Variants in AFG1L observed in about 807,000 individuals in gnomAD.
AFG1L encodes the protein AFG1 like ATPase.
A neutral mutation model predicts 62.2 loss-of-function variants in AFG1L; 53 were observed. The ratio of observed to expected loss-of-function variants is 0.85; its 90% CI spans 0.68 to 1.07. The LOEUF is 1.07. Ranked by LOEUF, AFG1L falls within the 50% of genes least tolerant of loss-of-function variation. AFG1L has a pLI of 0.00. For missense variants in AFG1L, 555 were observed against 590.5 expected, an observed-to-expected ratio of 0.94 and a Z score of 0.62; for synonymous variants, 228 against 210.3, an observed-to-expected ratio of 1.08 and a Z score of -0.73.
intron 6 of AFG1L, among the ~76,000 whole-genome samples, chr6:108,399,819 C>T (rs1215904189): frequency 8.0e-6 from 1 of 124,652 alleles, no homozygotes. Context: ...CATTCTGTTG[C>T]CCAGGCTGGA....
chr6:108,473,559 A>AT (rs200858234), intron 8 of AFG1L, among the ~76,000 whole-genome samples: 4,347 of 152,046 alleles, frequency 0.029, 94 homozygotes, highest in Middle Eastern at 0.085. Flanking sequence ...CTTTTTTAAA[A>AT]TTTTTTTTAT....
chr6:108,443,984 T>G (rs950661370), intron 7 of AFG1L, among the ~76,000 whole-genome samples: 1 of 152,204 alleles, frequency 6.6e-6, no homozygotes, highest in African/African-American at 2.4e-5. Flanking sequence ...AAACAAAATG[T>G]CAGCCTATAG....
At chr6:108,460,958 A>G (rs1437797418) in intron 8 of AFG1L, among the ~76,000 whole-genome samples, 1 of 152,230 alleles carries the variant, frequency 6.6e-6, no homozygotes, top group Non-Finnish European at 1.5e-5. Flanking sequence ...CTCCGTCTCA[A>G]CAATGACAAC....
At chr6:108,332,634 G>A (rs1327253301) in intron 2 of AFG1L, among the ~76,000 whole-genome samples, 2 of 151,702 alleles carry the variant, frequency 1.3e-5, no homozygotes, top group African/African-American at 2.4e-5. Flanking sequence ...TCTTTTTTTC[G>A]AGGTAGAGTT....
At chr6:108,376,310 G>T (rs753146319) in intron 6 of AFG1L, among the ~76,000 whole-genome samples, 5 of 151,898 alleles carry the variant, frequency 3.3e-5, no homozygotes, top group South Asian at 2.1e-4. Context: ...TCTCAATTTT[G>T]TTCAGTTGTG....
At chr6:108,318,313 C>A in intron 1 of AFG1L, 1 of 398,098 alleles carries the variant, frequency 2.5e-6, no homozygotes, top group Non-Finnish European at 4.8e-6. Flanking sequence ...GCGTTGAGCC[C>A]AACTGCAGAT....
chr6:108,523,853 T>G lies in AFG1L; in HGVS notation c.*1428T>G, dbSNP rs1266516570. 6.6e-6 allele frequency: 1 copy of G among 152,150 alleles called. No homozygotes were observed. The allele number at this position is 152,150 out of a possible 1,614,324, so 9.4% of individuals were successfully genotyped here. A position where few individuals can be genotyped will look rare whatever the true frequency, so the allele number is the denominator to read the frequency against. ...AAATAAAATGTGGTTTAAAGATATTTTTATTGAAGTGAAACACAGTAATTT... is the reference window on the plus strand; with the variant it reads ...AAATAAAATGTGGTTTAAAGATATTGTTATTGAAGTGAAACACAGTAATTT... On this transcript the variant is annotated 3_prime_UTR_variant, in exon 13 of 13. Coordinates refer to ENST00000368977, the MANE Select transcript of AFG1L (RefSeq NM_145315.5).
intron 8 of AFG1L, among the ~76,000 whole-genome samples, chr6:108,474,132 G>A (rs1334843179): frequency 6.6e-6 from 1 of 152,148 alleles, no homozygotes; most frequent in Non-Finnish European, 1.5e-5. Context: ...AGAACATGTA[G>A]TGTTTGGTTT....
chr6:108,426,356 G>C (rs1439846446), intron 7 of AFG1L, among the ~76,000 whole-genome samples: 1 of 152,140 alleles, frequency 6.6e-6, no homozygotes, highest in Admixed American at 6.6e-5. Flanking sequence ...CTTCCTATTA[G>C]CTTGAAGCTG....
At chr6:108,313,081 A>G (rs1159516133) in intron 1 of AFG1L, among the ~76,000 whole-genome samples, 3 of 152,196 alleles carry the variant, frequency 2.0e-5, no homozygotes, top group Non-Finnish European at 4.4e-5. Context: ...CTTCCCCATT[A>G]GGCATCACTG....
chr6:108,412,183 A>G (rs1782148485), intron 7 of AFG1L, among the ~76,000 whole-genome samples: 1 of 152,174 alleles, frequency 6.6e-6, no homozygotes, highest in South Asian at 2.1e-4. Context: ...AGATCAAATG[A>G]ATGAAATGAA....
chr6:108,332,198 A>G (rs1778301500), intron 2 of AFG1L, among the ~76,000 whole-genome samples: 1 of 152,260 alleles, frequency 6.6e-6, no homozygotes, highest in Non-Finnish European at 1.5e-5. Flanking sequence ...CCTTTGCTCT[A>G]GATGACTGCT....
At chr6:108,333,408 CA>C (rs112132179) in intron 2 of AFG1L, among the ~76,000 whole-genome samples, 169 of 132,594 alleles carry the variant, frequency 1.3e-3, no homozygotes, top group East Asian at 3.3e-3. Context: ...GACTCCATCT[CA>C]AAAAAAAAAA....
At chr6:108,471,075 C>T (rs542789727) in intron 8 of AFG1L, among the ~76,000 whole-genome samples, 18 of 152,158 alleles carry the variant, frequency 1.2e-4, no homozygotes, top group African/African-American at 4.1e-4. Flanking sequence ...GCATCTTGGT[C>T]GACCATGAGG....
At chr6:108,316,376 G>A (rs1416715047) in intron 1 of AFG1L, among the ~76,000 whole-genome samples, 1 of 54,888 alleles carries the variant, frequency 1.8e-5, no homozygotes, top group Admixed American at 3.3e-4. Context: ...GCGAGACTCC[G>A]TCTCAAAAAA....
rs765551779 is a variant in AFG1L at position 108,402,034 on chromosome 6, C to G, written c.787C>G (p.Pro263Ala). The G allele has an allele frequency of 2.6e-6, 4 of 1,511,552 alleles. No homozygotes were observed. Among genetic ancestry groups the G allele is most frequent in the Non-Finnish European group, 2.7e-6 (3 of 1,122,780 alleles). The allele number at this position is 1,511,552 out of a possible 1,614,324, so 93.6% of individuals were successfully genotyped here. The change falls in exon 7 of 13, where the codon CCA (proline) becomes GCA (alanine). Residue 263 changes from proline to alanine, a missense_variant. Physicochemically the swap from Pro to Ala is conservative, Grantham distance 27. Coordinates refer to ENST00000368977, the MANE Select transcript of AFG1L (RefSeq NM_145315.5). ...TGGACTCCAAAGAGCTAACTTTGTA[C>G]CATTCATAGCAGTCTTGAAGGTAAA... ...KNGLQRANFV[P>A]FIAVLKEYCN...
At chr6:108,351,239 T>TA (rs1468413874) in intron 3 of AFG1L, among the ~76,000 whole-genome samples, 1 of 152,028 alleles carries the variant, frequency 6.6e-6, no homozygotes, top group African/African-American at 2.4e-5. Context: ...ACTAAATTTA[T>TA]AAAAAAAATT....
At chr6:108,435,271 AG>A (rs1437010206) in intron 7 of AFG1L, among the ~76,000 whole-genome samples, 1 of 152,208 alleles carries the variant, frequency 6.6e-6, no homozygotes, top group Non-Finnish European at 1.5e-5. Context: ...TCTGGCTGAT[AG>A]GGATACTGGC....
At chr6:108,320,174 A>G (rs1777765289) in intron 1 of AFG1L, among the ~76,000 whole-genome samples, 1 of 152,246 alleles carries the variant, frequency 6.6e-6, no homozygotes, top group Admixed American at 6.5e-5. Context: ...GGCAGAAGAT[A>G]TTTGACAGAT....
Sources: allele counts gnomAD v4.1 joint callset (sites outside exome capture counted in the v4.1 genomes callset), GRCh38; gene constraint gnomAD v4.1.1; transcripts MANE v1.5; gene names NCBI Gene and HGNC (gene_info 2026-07-23, HGNC 2026-07-21).